The following FRMPD4 variants were observed in gnomAD, a reference collection of about 807,000 sequenced individuals.
FRMPD4 encodes the protein FERM and PDZ domain containing 4.
In FRMPD4, 22 loss-of-function variants were observed where a neutral mutation model predicts 94.1. That is an observed-to-expected ratio of 0.23 (90% confidence interval 0.17 to 0.33). FRMPD4 has a LOEUF of 0.33. Ranked by LOEUF, FRMPD4 falls within the 10% of genes least tolerant of loss-of-function variation. The pLI, the probability that FRMPD4 is intolerant of heterozygous loss-of-function variation, is 1.00. For synonymous variants in FRMPD4, 631 were observed against 548.6 expected (o/e 1.15, Z -2.10); for missense variants, 1,111 against 1,339.9 (o/e 0.83, Z 2.67).
At chrX:12,378,112 C>T (rs1569252576) in intron 1 of FRMPD4, among the ~76,000 whole-genome samples, 2 of 112,216 alleles carry the variant, frequency 1.8e-5, no homozygotes. Flanking sequence ...GGCACCCATG[C>T]AATTTTGCCT....
intron 3 of FRMPD4, among the ~76,000 whole-genome samples, chrX:12,099,318 A>G (rs1295769390): frequency 2.7e-5 from 3 of 111,645 alleles, no homozygotes; most frequent in Admixed American, 9.5e-5. Context: ...ATTTCATAAT[A>G]CCTGTGCTCC....
At chrX:12,633,888 T>TA (rs2059419462) in intron 4 of FRMPD4, among the ~76,000 whole-genome samples, 1 of 112,431 alleles carries the variant, frequency 8.9e-6, no homozygotes, top group Non-Finnish European at 1.9e-5. Context: ...TAGTAGACAA[T>TA]AAAAAGCAGT....
intron 3 of FRMPD4, among the ~76,000 whole-genome samples, chrX:12,061,296 T>C: frequency 8.9e-6 from 1 of 112,113 alleles, no homozygotes; most frequent in East Asian, 2.8e-4. Context: ...GTTTCTGGTA[T>C]AGAGAGGAAG....
intron 2 of FRMPD4, among the ~76,000 whole-genome samples, chrX:12,592,284 T>C (rs1318651018): frequency 1.8e-5 from 2 of 112,023 alleles, no homozygotes; most frequent in African/African-American, 6.5e-5. Context: ...ATAGACAGTA[T>C]TCCCTGGGTC....
chrX:12,703,656 G>A (rs775382179), intron 10 of FRMPD4, among the ~76,000 whole-genome samples: 75 of 112,153 alleles, frequency 6.7e-4, no homozygotes, highest in Non-Finnish European at 1.2e-3. Flanking sequence ...GGTGGTAGTC[G>A]TTTCTGGTGA....
rs1387045606 is a variant in FRMPD4, at chrX:12,718,122, G to C, written c.3296G>C (p.Gly1099Ala). Reference sequence around the variant, plus strand: ...CAAAGATGGTATGTGGCCACTGAAGGTGGGATGGCTGAAAAAAGTGGATTA... The same window carrying C: ...CAAAGATGGTATGTGGCCACTGAAGCTGGGATGGCTGAAAAAAGTGGATTA... ...DSQRWYVATEGGMAEKSGLEA... is the reference protein window; with the variant it reads ...DSQRWYVATEAGMAEKSGLEA... Residue 1099 changes from glycine to alanine, a missense_variant, in exon 16 of 17, where the codon GGT becomes GCT. Gly to Ala is a moderately conservative substitution (Grantham distance 60). Around this residue, in one of 8 missense-constraint regions of FRMPD4, gnomAD observed 551 missense variants for 591.6 expected, o/e 0.93. Transcript: ENST00000675598. 2 of 1,210,078 alleles carry C rather than the reference G, an allele frequency of 1.7e-6. No homozygotes were observed. The highest frequency in any genetic ancestry group is 2.2e-6 in the Non-Finnish European group (2 of 895,067).
In FRMPD4 at chrX:12,155,773, G is replaced by A. The variant is rs774731423; in HGVS notation, c.41+16761G>A. ...ATTTCCTAAACCTACCCAGTGAGAG[G>A]AATTGACATGGCTAGTTTAGACTTG... On this transcript the variant is annotated intron_variant, in intron 1 of 16. Transcript: ENST00000675598. 2.4e-3 allele frequency among the ~76,000 whole-genome samples: 262 copies of A among 110,760 alleles called. 1 individual carries two copies. The highest frequency in any genetic ancestry group is 4.0e-3 in the Non-Finnish European group (210 of 52,971).
chrX:11,851,414 G>A (rs1039113777), intron 1 of FRMPD4, among the ~76,000 whole-genome samples: 14 of 111,331 alleles, frequency 1.3e-4, no homozygotes, highest in African/African-American at 2.6e-4. Flanking sequence ...AGCTCTGGCT[G>A]TGCTTGGTTG....
At chrX:11,831,839 G>C (rs1314486107) in intron 1 of FRMPD4, among the ~76,000 whole-genome samples, 2 of 111,918 alleles carry the variant, frequency 1.8e-5, no homozygotes, top group Non-Finnish European at 3.8e-5. Flanking sequence ...CAGTTGATTT[G>C]GCAAAGTATT....
intron 1 of FRMPD4, among the ~76,000 whole-genome samples, chrX:12,352,010 A>G (rs1402680888): frequency 8.9e-6 from 1 of 111,925 alleles, no homozygotes. Flanking sequence ...TGTTGGGTAC[A>G]TATCTAGGAG....
intron 3 of FRMPD4, among the ~76,000 whole-genome samples, chrX:11,896,289 T>C (rs572313951): frequency 8.9e-6 from 1 of 112,355 alleles, no homozygotes; most frequent in South Asian, 3.7e-4. Context: ...AGTGCCCAAC[T>C]GTGGTGTTTG....
intron 3 of FRMPD4, among the ~76,000 whole-genome samples, chrX:12,029,126 C>T (rs750932910): frequency 1.8e-5 from 2 of 112,337 alleles, no homozygotes; most frequent in South Asian, 3.7e-4. Flanking sequence ...TGTTGCTACA[C>T]GACCTTGCTA....
intron 3 of FRMPD4, among the ~76,000 whole-genome samples, chrX:12,095,896 C>T (rs747918751): frequency 8.9e-6 from 1 of 112,327 alleles, no homozygotes; most frequent in African/African-American, 3.2e-5. Context: ...TGTTTCCAGA[C>T]CCCTCTCCAT....
intron 3 of FRMPD4, among the ~76,000 whole-genome samples, chrX:11,907,169 AT>A (rs1266646298): frequency 1.9e-4 from 21 of 109,313 alleles, no homozygotes; most frequent in Non-Finnish European, 3.4e-4. Flanking sequence ...TTGTGATCGT[AT>A]TTTTTTTTAA....
chrX:12,497,547 C>T (rs1475724310), intron 1 of FRMPD4, among the ~76,000 whole-genome samples: 1 of 109,239 alleles, frequency 9.2e-6, no homozygotes, highest in Non-Finnish European at 1.9e-5. Context: ...AAAATGCTTG[C>T]CATGTCTTTT....
chrX:12,004,374 C>G (rs1240609563), intron 3 of FRMPD4, among the ~76,000 whole-genome samples: 2 of 111,841 alleles, frequency 1.8e-5, no homozygotes, highest in African/African-American at 6.5e-5. Flanking sequence ...CAACAGCATG[C>G]TTAACAACTT....
intron 4 of FRMPD4, among the ~76,000 whole-genome samples, chrX:12,620,924 T>C (rs980272811): frequency 8.9e-6 from 1 of 112,252 alleles, no homozygotes; most frequent in Non-Finnish European, 1.9e-5. Context: ...GACCAGCCTA[T>C]AAAGACTGGA....
intron 1 of FRMPD4, among the ~76,000 whole-genome samples, chrX:12,266,709 T>C (rs1264620089): frequency 9.0e-6 from 1 of 111,618 alleles, no homozygotes; most frequent in African/African-American, 3.3e-5. Context: ...TATTAAAAAC[T>C]TTGAAACAGA....
chrX:11,910,774 T>C (rs1452069989), intron 3 of FRMPD4, among the ~76,000 whole-genome samples: 2 of 112,234 alleles, frequency 1.8e-5, no homozygotes, highest in Non-Finnish European at 3.8e-5. Flanking sequence ...TTCATAGGTA[T>C]GTGACATGTC....
Sources: allele counts gnomAD v4.1 joint callset (sites outside exome capture counted in the v4.1 genomes callset), GRCh38; gene constraint gnomAD v4.1.1; regional missense constraint gnomAD v4.1.1; transcripts MANE v1.5; gene names NCBI Gene and HGNC (gene_info 2026-07-23, HGNC 2026-07-21).